CRTAM: variants seen among roughly 807,000 people sequenced by gnomAD.
CRTAM encodes the protein cytotoxic and regulatory T cell molecule, also known as cytotoxic and regulatory T-cell molecule.
In CRTAM, 44 loss-of-function variants were observed where a neutral mutation model predicts 50.0. The observed-to-expected ratio is 0.88, with a 90% CI of 0.69 to 1.13. The LOEUF (loss-of-function observed/expected upper bound fraction) is 1.13. Ranked by LOEUF, CRTAM falls within the 50% of genes most tolerant of loss-of-function variation. CRTAM has a pLI of 0.00. For synonymous variants in CRTAM, 159 were observed against 169.3 expected (o/e 0.94, Z 0.47); for missense variants, 448 against 457.5 (o/e 0.98, Z 0.19).
At chr11:122,850,814 C>G (rs1861920849) in intron 2 of CRTAM, among the ~76,000 whole-genome samples, 1 of 152,248 alleles carries the variant, frequency 6.6e-6, no homozygotes, top group Non-Finnish European at 1.5e-5. Context: ...GAAAAAGACT[C>G]TTAAGAATCT....
intron 2 of CRTAM, among the ~76,000 whole-genome samples, chr11:122,851,269 A>ACT (rs1861925742): frequency 6.9e-6 from 1 of 145,396 alleles, no homozygotes; most frequent in Non-Finnish European, 1.5e-5. Flanking sequence ...CTGTCTCTAA[A>ACT]AAAAAAAAAA....
chr11:122,864,613 T>C (rs759889429), intron 6 of CRTAM, 23 bp from the exon 7 acceptor site: 3 of 1,538,178 alleles, frequency 2.0e-6, no homozygotes, highest in South Asian at 2.2e-5. Context: ...GCATAGCTCA[T>C]GTTTTATCTT....
chr11:122,862,665 C>G (rs1410416337), intron 6 of CRTAM, 121 bp downstream of exon 6: 1 of 644,192 alleles, frequency 1.6e-6, no homozygotes, highest in Non-Finnish European at 2.7e-6. Flanking sequence ...ACCATACAGG[C>G]CCCTCCAACT....
chr11:122,850,713 A>G (rs1436979519), intron 2 of CRTAM, among the ~76,000 whole-genome samples: 1 of 152,222 alleles, frequency 6.6e-6, no homozygotes, highest in African/African-American at 2.4e-5. Flanking sequence ...TTTAAGCAAT[A>G]GAAATAGACA....
At chr11:122,862,653 A>ATTTT in intron 6 of CRTAM, 109 bp downstream of exon 6, 1 of 698,612 alleles carries the variant, frequency 1.4e-6, no homozygotes, top group Non-Finnish European at 2.4e-6. Flanking sequence ...ATTTTTACTA[A>ATTTT]GACCATACAG....
chr11:122,870,187 C>T (rs111549529), intron 9 of CRTAM, among the ~76,000 whole-genome samples: 1,834 of 152,130 alleles, frequency 0.012, 40 homozygotes, highest in African/African-American at 0.042. Flanking sequence ...CTCAATCAGT[C>T]CTCCCGCCTC....
intron 5 of CRTAM, among the ~76,000 whole-genome samples, chr11:122,861,414 ATATATATTTTTTTTTTTTT>A (rs1862079054): frequency 7.7e-4 from 17 of 22,034 alleles, no homozygotes; most frequent in African/African-American, 3.5e-3. Flanking sequence ...ATATATATAT[ATATATATTTTTTTTTTTTT>A]TTTTTTTTTT....
chr11:122,842,462 A>G (rs1364870119), intron 1 of CRTAM, among the ~76,000 whole-genome samples: 2 of 152,148 alleles, frequency 1.3e-5, no homozygotes, highest in Admixed American at 6.5e-5. Context: ...TATTTTTAGT[A>G]GACATGGGGT....
chr11:122,867,603 T>A, intron 8 of CRTAM, 48 bp downstream of exon 8: 1 of 1,570,136 alleles, frequency 6.4e-7, no homozygotes, highest in Middle Eastern at 1.7e-4. Context: ...CCAGAACAAA[T>A]GGCTAAAAAA....
chr11:122,871,531 G>C lies in CRTAM; in HGVS notation c.*132G>C. On this transcript the variant is annotated 3_prime_UTR_variant, in exon 10 of 10. Coordinates refer to ENST00000227348, the MANE Select transcript of CRTAM (RefSeq NM_019604.4). ...AGTGCAATGCAAGATGGTGTCCTCG[G>C]ATAATGATCTGCCCCGGAGCTAGGG... The C allele has an allele frequency of 1.5e-6, 1 of 660,014 alleles. No homozygotes were observed. Among genetic ancestry groups the C allele is most frequent in the Non-Finnish European group, 2.4e-6 (1 of 415,332 alleles). 40.9% of individuals were successfully genotyped at this position (660,014 alleles called of 1,614,324 possible).
chr11:122,861,887 CA>C (rs1194410833), intron 5 of CRTAM, among the ~76,000 whole-genome samples: 2 of 152,136 alleles, frequency 1.3e-5, no homozygotes, highest in Non-Finnish European at 2.9e-5. Context: ...TAATGTTATA[CA>C]ATAACATTTA....
At chr11:122,844,995 T>C (rs2135230549) in intron 1 of CRTAM, among the ~76,000 whole-genome samples, 1 of 152,340 alleles carries the variant, frequency 6.6e-6, no homozygotes, top group Middle Eastern at 3.4e-3. Context: ...TTCAGACTTC[T>C]AACTGATCAT....
intron 1 of CRTAM, among the ~76,000 whole-genome samples, chr11:122,847,927 C>T (rs1047191898): frequency 6.6e-6 from 1 of 152,200 alleles, no homozygotes; most frequent in African/African-American, 2.4e-5. Flanking sequence ...TTCTGGAAGT[C>T]TTTGAAAGTG....
intron 9 of CRTAM, among the ~76,000 whole-genome samples, chr11:122,869,674 T>C (rs895579371): frequency 6.6e-6 from 1 of 152,228 alleles, no homozygotes; most frequent in Non-Finnish European, 1.5e-5. Context: ...ACAGCGAGTT[T>C]TGCCGCTCTA....
intron 5 of CRTAM, among the ~76,000 whole-genome samples, chr11:122,856,952 C>T (rs1862015243): frequency 6.7e-6 from 1 of 149,916 alleles, no homozygotes; most frequent in African/African-American, 2.5e-5. Context: ...AGCAGTAGAA[C>T]TGAAGCATAG....
intron 1 of CRTAM, among the ~76,000 whole-genome samples, chr11:122,844,325 G>C (rs577965724): frequency 6.6e-6 from 1 of 152,224 alleles, no homozygotes; most frequent in Non-Finnish European, 1.5e-5. Flanking sequence ...TCCTAAACAA[G>C]CTGCAGATAA....
rs1430565686 is a variant in CRTAM at position 122,859,481 on chromosome 11, ATT to A, written c.653-2977_653-2976del. Among the ~76,000 whole-genome samples the A allele has an allele frequency of 4.2e-4, 64 of 152,098 alleles. 1 individual carries two copies. Among genetic ancestry groups the A allele is most frequent in the Non-Finnish European group, 1.5e-4 (10 of 68,008 alleles). On this transcript the variant is annotated intron_variant, in intron 5 of 9. Transcript: ENST00000227348. Reference sequence around the variant, plus strand: ...CTGAAAAGATTAGTGTGAAAATGTCATTTTTTTACATTTTGAAAATCTCATAA... The same window carrying A: ...CTGAAAAGATTAGTGTGAAAATGTCATTTTTACATTTTGAAAATCTCATAA...
At position 122,863,966 on chromosome 11, in the gene CRTAM, T is replaced by G. The variant is rs1862133965; in HGVS notation, c.734-670T>G. Among the ~76,000 whole-genome samples the G allele has an allele frequency of 1.3e-5, 2 of 152,038 alleles. 1 individual carries two copies. The highest frequency in any genetic ancestry group is 6.3e-3 in the Middle Eastern group (2 of 316). ...AAACTGCAGAGAGAAAAAAGGAAAT[T>G]GGAAACATCAGCAGTAAAATCTGGA... On this transcript the variant is annotated intron_variant, in intron 6 of 9. Coordinates refer to ENST00000227348, the MANE Select transcript of CRTAM (RefSeq NM_019604.4).
At chr11:122,843,997 G>A (rs765004254) in intron 1 of CRTAM, among the ~76,000 whole-genome samples, 4 of 152,142 alleles carry the variant, frequency 2.6e-5, no homozygotes, top group East Asian at 3.9e-4. Context: ...AAGCAGACCC[G>A]TAAAGCCAAA....
Sources: gnomAD v4.1 joint callset for allele counts (sites outside exome capture counted in the v4.1 genomes callset) on GRCh38, gnomAD v4.1.1 for gene constraint, MANE v1.5 for transcripts, NCBI Gene and HGNC (gene_info 2026-07-23, HGNC 2026-07-21) for gene names.